The following GAS2 variants were observed in gnomAD, a reference collection of about 807,000 sequenced individuals.
The protein encoded by GAS2 is growth arrest-specific protein 2.
GAS2 carries 20 observed loss-of-function variants against 37.5 expected under a neutral mutation model. The ratio of observed to expected loss-of-function variants is 0.53; its 90% CI spans 0.37 to 0.77. The LOEUF (loss-of-function observed/expected upper bound fraction) is 0.77. Ranked by LOEUF, GAS2 falls within the 30% of genes least tolerant of loss-of-function variation. The pLI, the probability that GAS2 is intolerant of heterozygous loss-of-function variation, is 0.00. For synonymous variants in GAS2, 144 were observed against 132.2 expected, an observed-to-expected ratio of 1.09 and a Z score of -0.61; for missense variants, 336 against 373.4, an observed-to-expected ratio of 0.90 and a Z score of 0.82.
chr11:22,641,272 TTA>T (rs1202650987), intron 1 of GAS2, among the ~76,000 whole-genome samples: 3 of 140,226 alleles, frequency 2.1e-5, no homozygotes, highest in African/African-American at 5.3e-5. Flanking sequence ...ATATATATCT[TTA>T]TATATATCTA....
At chr11:22,770,388 A>G (rs917543060) in intron 7 of GAS2, among the ~76,000 whole-genome samples, 3 of 152,240 alleles carry the variant, frequency 2.0e-5, no homozygotes, top group African/African-American at 7.2e-5. Flanking sequence ...CTAGACAGGA[A>G]GCAAGGGGCC....
chr11:22,753,353 T>G (rs1853851310), intron 6 of GAS2, among the ~76,000 whole-genome samples: 1 of 152,082 alleles, frequency 6.6e-6, no homozygotes, highest in Admixed American at 6.6e-5. Context: ...ACTTTTAAAA[T>G]GAACTCCATT....
Position 22,681,120 on chromosome 11 carries a change from ACATT to A in GAS2, c.146-4546_146-4543del, listed in dbSNP as rs747576770. Among the ~76,000 whole-genome samples, 101 of 152,334 alleles carry A rather than the reference ACATT, an allele frequency of 6.6e-4. 3 individuals are homozygous for A. In the Middle Eastern group the frequency reaches 0.027, roughly 41 times the overall value. On this transcript the variant is annotated intron_variant, in intron 2 of 7. Coordinates refer to ENST00000454584, the MANE Select transcript of GAS2 (RefSeq NM_001143830.3). ...ATACTGCTAATTTATTGGGAAGAAAACATTCTTTCTCAGCAACTTGGAAGATTAA... is the reference window on the plus strand; with the variant it reads ...ATACTGCTAATTTATTGGGAAGAAAACTTTCTCAGCAACTTGGAAGATTAA...
At chr11:22,668,804 C>G (rs1849089774) in intron 1 of GAS2, among the ~76,000 whole-genome samples, 1 of 152,154 alleles carries the variant, frequency 6.6e-6, no homozygotes, top group African/African-American at 2.4e-5. Flanking sequence ...TAACTGTTTA[C>G]AGAGAGACTT....
chr11:22,701,775 G>A (rs1209150099), intron 3 of GAS2, among the ~76,000 whole-genome samples: 3 of 151,318 alleles, frequency 2.0e-5, no homozygotes, highest in Non-Finnish European at 3.0e-5. Flanking sequence ...GTTGCAGTGA[G>A]CCGAGATCAC....
chr11:22,735,953 T>C (rs1414751176), intron 4 of GAS2, among the ~76,000 whole-genome samples: 1 of 151,486 alleles, frequency 6.6e-6, no homozygotes, highest in Non-Finnish European at 1.5e-5. Flanking sequence ...TTTTACATAC[T>C]TCTTTCTCCC....
At chr11:22,789,454 A>ATATTT (rs1564889924) in intron 7 of GAS2, among the ~76,000 whole-genome samples, 5 of 61,200 alleles carry the variant, frequency 8.2e-5, no homozygotes, top group Admixed American at 2.1e-4. Flanking sequence ...ATATATATAT[A>ATATTT]TTCTTTTTTT....
intron 3 of GAS2, among the ~76,000 whole-genome samples, chr11:22,699,473 G>C (rs866401724): frequency 1.1e-4 from 16 of 152,140 alleles, no homozygotes; most frequent in Middle Eastern, 6.8e-3. Flanking sequence ...AAAAAGACAT[G>C]TGAAGGAAAG....
chr11:22,639,133 G>C (rs185041231), intron 1 of GAS2, among the ~76,000 whole-genome samples: 283 of 152,138 alleles, frequency 1.9e-3, no homozygotes, highest in African/African-American at 4.3e-3. Flanking sequence ...TGGAAAAAAG[G>C]GTTCCATATT....
chr11:22,754,449 G>A (rs1306882758), intron 6 of GAS2, among the ~76,000 whole-genome samples: 1 of 152,004 alleles, frequency 6.6e-6, no homozygotes, highest in Non-Finnish European at 1.5e-5. Context: ...GCAAAATTAA[G>A]GATGGCAAAA....
chr11:22,731,024 A>G (rs1852447944), intron 4 of GAS2, among the ~76,000 whole-genome samples: 1 of 151,796 alleles, frequency 6.6e-6, no homozygotes, highest in Non-Finnish European at 1.5e-5. Context: ...AGAGTTTTCA[A>G]TTATGAATCA....
chr11:22,714,636 T>G (rs1374887377), intron 3 of GAS2, among the ~76,000 whole-genome samples: 1 of 152,106 alleles, frequency 6.6e-6, no homozygotes, highest in Admixed American at 6.6e-5. Flanking sequence ...CTCAATAAAT[T>G]TAAGAAAAAT....
At chr11:22,731,313 G>A (rs1590065619) in intron 4 of GAS2, 1 of 444,226 alleles carries the variant, frequency 2.3e-6, no homozygotes, top group Non-Finnish European at 4.5e-6. Context: ...ATATCATTAT[G>A]TTATTGGATA....
intron 4 of GAS2, among the ~76,000 whole-genome samples, 155 bp downstream of exon 4, chr11:22,726,588 A>T (rs777116215): frequency 6.6e-6 from 1 of 152,142 alleles, no homozygotes; most frequent in Non-Finnish European, 1.5e-5. Flanking sequence ...GTTTGCTGCT[A>T]ACTTGATACT....
At chr11:22,676,506 T>G (rs1193428565) in intron 2 of GAS2, among the ~76,000 whole-genome samples, 1 of 152,156 alleles carries the variant, frequency 6.6e-6, no homozygotes, top group East Asian at 1.9e-4. Context: ...AGCAGTATGA[T>G]CTTGGGCAAA....
chr11:22,658,859 A>G (rs1397956358), intron 1 of GAS2, among the ~76,000 whole-genome samples: 2 of 152,220 alleles, frequency 1.3e-5, no homozygotes, highest in African/African-American at 4.8e-5. Flanking sequence ...GAAAGATGCA[A>G]TTCTAAATGC....
chr11:22,722,938 T>G (rs1381018057), intron 3 of GAS2, among the ~76,000 whole-genome samples: 3 of 151,902 alleles, frequency 2.0e-5, no homozygotes, highest in Non-Finnish European at 4.4e-5. Flanking sequence ...CATATTAGTT[T>G]CCATTAACAT....
At chr11:22,676,346 A>G (rs1477383299) in intron 2 of GAS2, among the ~76,000 whole-genome samples, 1 of 152,140 alleles carries the variant, frequency 6.6e-6, no homozygotes, top group African/African-American at 2.4e-5. Context: ...GGGTTCACTA[A>G]TGATTGTCAT....
At chr11:22,636,828 T>C (rs1858828418) in intron 1 of GAS2, among the ~76,000 whole-genome samples, 2 of 149,226 alleles carry the variant, frequency 1.3e-5, no homozygotes, top group Non-Finnish European at 3.0e-5. Flanking sequence ...GATATAGGTA[T>C]ATATATGTCT....
Sources: allele counts gnomAD v4.1 joint callset (sites outside exome capture counted in the v4.1 genomes callset), GRCh38; gene constraint gnomAD v4.1.1; transcripts MANE v1.5; gene names NCBI Gene and HGNC (gene_info 2026-07-23, HGNC 2026-07-21).